INTS4: variants seen among roughly 807,000 people sequenced by gnomAD.
The protein encoded by INTS4 is integrator complex subunit 4, also known as MSTP093.
In INTS4, 70 loss-of-function variants were observed where a neutral mutation model predicts 119.5. That is an observed-to-expected ratio of 0.59 (90% CI 0.48 to 0.71). The LOEUF is 0.71. INTS4 is among the 30% of genes least tolerant of loss of function. INTS4 has a pLI of 0.00. For synonymous variants in INTS4, 316 were observed against 419.6 expected (o/e 0.75, Z 3.02); for missense variants, 867 against 1,173.2 (o/e 0.74, Z 3.81).
intron 8 of INTS4, among the ~76,000 whole-genome samples, chr11:77,946,519 C>T (rs533972676): frequency 2.0e-4 from 30 of 152,152 alleles, no homozygotes; most frequent in Admixed American, 9.2e-4. Flanking sequence ...CCCAGCACTT[C>T]GGGAGGCCAA....
intron 4 of INTS4, among the ~76,000 whole-genome samples, chr11:77,970,367 C>A (rs1427432113): frequency 6.6e-6 from 1 of 151,756 alleles, no homozygotes; most frequent in East Asian, 1.9e-4. Context: ...CCACTGCACT[C>A]CAGCTTGGGT....
At chr11:77,897,876 A>G (rs2136425284) in intron 18 of INTS4, among the ~76,000 whole-genome samples, 1 of 152,186 alleles carries the variant, frequency 6.6e-6, no homozygotes, top group African/African-American at 2.4e-5. Context: ...TAGCATGATC[A>G]TAGCTCATTG....
At chr11:77,957,928 G>A (rs912553678) in intron 7 of INTS4, among the ~76,000 whole-genome samples, 66 of 151,932 alleles carry the variant, frequency 4.3e-4, no homozygotes, top group African/African-American at 1.5e-3. Flanking sequence ...CTCGGCCTCC[G>A]AAAGTGCTGG....
intron 22 of INTS4, among the ~76,000 whole-genome samples, chr11:77,880,330 G>A (rs955498530): frequency 2.6e-5 from 4 of 152,128 alleles, no homozygotes; most frequent in African/African-American, 9.7e-5. Context: ...CTGGATTGCT[G>A]TCCTCCAGGA....
chr11:77,883,188 A>G (rs1371793293), intron 22 of INTS4, among the ~76,000 whole-genome samples: 1 of 152,184 alleles, frequency 6.6e-6, no homozygotes, highest in East Asian at 1.9e-4. Context: ...ATTTGGTGGC[A>G]TTAAACACCT....
At chr11:77,922,289 T>C (rs1953383061) in intron 13 of INTS4, 67 bp downstream of exon 13, 13 of 1,530,388 alleles carry the variant, frequency 8.5e-6, no homozygotes, top group Non-Finnish European at 9.7e-6. Context: ...ACCCTAGCTA[T>C]ACTGCAGAAG....
intron 21 of INTS4, among the ~76,000 whole-genome samples, chr11:77,885,239 G>A (rs1389831703): frequency 1.3e-5 from 2 of 151,828 alleles, no homozygotes; most frequent in Non-Finnish European, 2.9e-5. Context: ...CGTCATGCCC[G>A]GCTAATTTTG....
chr11:77,983,757 A>G lies in INTS4; in HGVS notation c.247-2181T>C, dbSNP rs572858577. On this transcript the variant is annotated intron_variant, in intron 2 of 22. Transcript: ENST00000534064. ...ATGTAAAACAGCAAAGCCACTGTGG[A>G]AAACAGTATGATGGAAATCGCTTCT... Among the ~76,000 whole-genome samples the G allele has an allele frequency of 2.0e-5, 3 of 152,322 alleles. No homozygotes were observed. The South Asian group carries it at 6.2e-4, about 32-fold the overall frequency.
At chr11:77,940,626 T>C (rs1953907332) in intron 9 of INTS4, among the ~76,000 whole-genome samples, 1 of 151,998 alleles carries the variant, frequency 6.6e-6, no homozygotes, top group Admixed American at 6.6e-5. Context: ...TGGGGTTTTT[T>C]GGTTGTTGTT....
intron 10 of INTS4, among the ~76,000 whole-genome samples, chr11:77,937,034 G>C (rs1321313925): frequency 1.3e-5 from 2 of 152,116 alleles, no homozygotes; most frequent in Middle Eastern, 6.8e-3. Context: ...AATTAGCCGA[G>C]AGTGGTCGCG....
intron 15 of INTS4, among the ~76,000 whole-genome samples, chr11:77,909,325 CAT>C (rs1276403265): frequency 6.6e-6 from 1 of 152,170 alleles, no homozygotes; most frequent in Non-Finnish European, 1.5e-5. Flanking sequence ...AACAAAATAT[CAT>C]AGACTGGGTG....
chr11:77,911,232 GGGTTGCTTGAACTGGTCCT>G (rs1953083105), intron 15 of INTS4: 1 of 1,018,034 alleles, frequency 9.8e-7, no homozygotes, highest in Non-Finnish European at 1.2e-6. Context: ...TTATTCGTTT[GGGTTGCTTGAACTGGTCCT>G]GGAGGGCCTA....
rs139570106 is a variant in INTS4 at position 77,882,070 on chromosome 11, C to A, written c.2713+1762G>T. Among the ~76,000 whole-genome samples, 5 of 152,138 alleles carry A rather than the reference C, an allele frequency of 3.3e-5. No homozygotes were observed. In the East Asian group the frequency reaches 9.7e-4, roughly 29 times the overall value. Reference sequence around the variant, plus strand: ...GGGACTACAGGCACATGCCACCATGCCCAGTTAACTTTTTTATATATCTAT... The same window carrying A: ...GGGACTACAGGCACATGCCACCATGACCAGTTAACTTTTTTATATATCTAT... On this transcript the variant is annotated intron_variant, in intron 22 of 22. Coordinates refer to ENST00000534064, the MANE Select transcript of INTS4 (RefSeq NM_033547.4).
At chr11:77,926,143 T>A (rs911955338) in intron 11 of INTS4, among the ~76,000 whole-genome samples, 4 of 151,044 alleles carry the variant, frequency 2.6e-5, no homozygotes, top group Non-Finnish European at 4.4e-5. Context: ...GCTTGTTGAA[T>A]AAAGAAGTGA....
In INTS4 at chr11:77,981,444, T is replaced by C. The variant is rs746714593; in HGVS notation, c.364+15A>G. ...ATTTCTGCTCTGACTATAGAGCTTT[T>C]AAATTGCAACTTACTTTCATTCTGC... is the stretch of plus-strand genomic sequence containing the variant. On this transcript the variant is annotated intron_variant, in intron 3 of 22. Coordinates refer to ENST00000534064, the MANE Select transcript of INTS4 (RefSeq NM_033547.4). The C allele has an allele frequency of 2.5e-5, 34 of 1,346,988 alleles. No homozygotes were observed. The highest frequency in any genetic ancestry group is 3.1e-5 in the Non-Finnish European group (30 of 976,006). The allele number at this position is 1,346,988 out of a possible 1,614,324, so 83.4% of individuals were successfully genotyped here.
intron 21 of INTS4, among the ~76,000 whole-genome samples, chr11:77,887,482 A>C (rs1201937467): frequency 6.6e-6 from 1 of 152,094 alleles, no homozygotes; most frequent in Non-Finnish European, 1.5e-5. Flanking sequence ...ATGGGCAAAA[A>C]CTGGAAGCAT....
chr11:77,970,373 TG>T (rs1287809520), intron 4 of INTS4, among the ~76,000 whole-genome samples: 2 of 151,842 alleles, frequency 1.3e-5, no homozygotes, highest in African/African-American at 4.8e-5. Flanking sequence ...CACTCCAGCT[TG>T]GGTGACAGAG....
chr11:77,889,808 G>A (rs2136386753), intron 21 of INTS4, among the ~76,000 whole-genome samples: 1 of 152,278 alleles, frequency 6.6e-6, no homozygotes. Context: ...CTACCTATAA[G>A]GTATCTAAAA....
At chr11:77,983,863 A>G (rs1460703023) in intron 2 of INTS4, among the ~76,000 whole-genome samples, 2 of 152,216 alleles carry the variant, frequency 1.3e-5, no homozygotes, top group African/African-American at 2.4e-5. Context: ...CATATGATCC[A>G]GCAATTCCAC....
Sources: gnomAD v4.1 joint callset for allele counts (sites outside exome capture counted in the v4.1 genomes callset) on GRCh38, gnomAD v4.1.1 for gene constraint, MANE v1.5 for transcripts, NCBI Gene and HGNC (gene_info 2026-07-23, HGNC 2026-07-21) for gene names.